Variants in CYP19A1 observed in about 807,000 individuals in gnomAD.
The protein encoded by CYP19A1 is cytochrome P450 family 19 subfamily A member 1.
In CYP19A1, 32 loss-of-function variants were observed where a neutral mutation model predicts 44.4. The observed-to-expected ratio is 0.72, with a 90% CI of 0.54 to 0.97. CYP19A1 has a LOEUF of 0.97. CYP19A1 is among the 50% of genes least tolerant of loss of function. CYP19A1 has a pLI of 0.00. For missense variants in CYP19A1, 598 were observed against 637.8 expected, an observed-to-expected ratio of 0.94 and a Z score of 0.67; for synonymous variants, 212 against 215.6, an observed-to-expected ratio of 0.98 and a Z score of 0.14.
intron 1 of CYP19A1, among the ~76,000 whole-genome samples, chr15:51,257,074 G>A (rs1185178891): frequency 6.6e-6 from 1 of 152,196 alleles, no homozygotes; most frequent in African/African-American, 2.4e-5. Context: ...AGTGGCAAGG[G>A]TGCTTTAGGC....
intron 1 of CYP19A1, among the ~76,000 whole-genome samples, chr15:51,333,034 C>T (rs1313929073): frequency 1.3e-5 from 2 of 152,180 alleles, no homozygotes; most frequent in Non-Finnish European, 2.9e-5. Context: ...ACTTTTCTTT[C>T]CTTCAGCTAC....
In CYP19A1 at chr15:51,325,248, T is replaced by C. The variant is rs146207514; in HGVS notation, c.-39+13247A>G. Among the ~76,000 whole-genome samples, 368 of 152,206 alleles carry C rather than the reference T, an allele frequency of 2.4e-3. 3 individuals are homozygous for C. The highest frequency in any genetic ancestry group is 8.2e-3 in the African/African-American group (339 of 41,536). The stretch of plus-strand genomic sequence containing the variant: ...AAGTTGCTACAGGGTGAAGCCCTTA[T>C]AGTGGATCTGAATGGCAAGCTGAAG... On this transcript the variant is annotated intron_variant, in intron 1 of 9. Coordinates refer to ENST00000396402, the MANE Select transcript of CYP19A1 (RefSeq NM_000103.4).
intron 1 of CYP19A1, among the ~76,000 whole-genome samples, chr15:51,263,343 C>T (rs1712347128): frequency 6.6e-6 from 1 of 152,148 alleles, no homozygotes; most frequent in South Asian, 2.1e-4. Flanking sequence ...AGAGCAGTTT[C>T]TGCAATGTGG....
rs1469993338 is a variant in CYP19A1, at chr15:51,210,227, T to C, written c.*581A>G. ...ACTTTTGCCACAGACAGATCATATG[T>C]AGACAAACAGGAATTAATTGGGCTT... is the stretch of plus-strand genomic sequence containing the variant. On this transcript the variant is annotated 3_prime_UTR_variant, in exon 10 of 10. Coordinates refer to ENST00000396402, the MANE Select transcript of CYP19A1 (RefSeq NM_000103.4). 4.9e-6 allele frequency: 2 copies of C among 405,236 alleles called. No homozygotes were observed. Among genetic ancestry groups the C allele is most frequent in the African/African-American group, 2.1e-5 (1 of 48,456 alleles). 25.1% of individuals were successfully genotyped at this position (405,236 alleles called of 1,614,324 possible).
chr15:51,264,503 AACG>A (rs5812546), intron 1 of CYP19A1, among the ~76,000 whole-genome samples: 31,496 of 151,996 alleles, frequency 0.21, 4,176 homozygotes, highest in African/African-American at 0.38. Context: ...AGGAAAGAGT[AACG>A]ACGGTCAAGG....
At chr15:51,294,522 G>A (rs1235958869) in intron 1 of CYP19A1, among the ~76,000 whole-genome samples, 7 of 146,868 alleles carry the variant, frequency 4.8e-5, no homozygotes, top group Admixed American at 1.3e-4. Flanking sequence ...CCCGGCAGCC[G>A]CCCCATCTGG....
At chr15:51,301,086 A>G (rs1182796982) in intron 1 of CYP19A1, among the ~76,000 whole-genome samples, 1 of 152,216 alleles carries the variant, frequency 6.6e-6, no homozygotes, top group Non-Finnish European at 1.5e-5. Flanking sequence ...CACATTAAGC[A>G]TTAAAGAGGT....
At chr15:51,286,269 G>T (rs912215068) in intron 1 of CYP19A1, among the ~76,000 whole-genome samples, 1 of 152,220 alleles carries the variant, frequency 6.6e-6, no homozygotes, top group Middle Eastern at 3.4e-3. Context: ...CAGAGTTCTG[G>T]TCAACACCTC....
At chr15:51,276,311 C>T (rs1185574579) in intron 1 of CYP19A1, among the ~76,000 whole-genome samples, 2 of 152,202 alleles carry the variant, frequency 1.3e-5, no homozygotes, top group African/African-American at 2.4e-5. Context: ...TACAGGCCCA[C>T]TGACCCCCTT....
intron 1 of CYP19A1, among the ~76,000 whole-genome samples, chr15:51,311,365 G>GA (rs2036306734): frequency 6.6e-6 from 1 of 152,172 alleles, no homozygotes; most frequent in Non-Finnish European, 1.5e-5. Context: ...ATAGCAGAAT[G>GA]CAAATGACAG....
At chr15:51,213,914 A>AAAACAT (rs1424907848) in intron 8 of CYP19A1, among the ~76,000 whole-genome samples, 1 of 152,112 alleles carries the variant, frequency 6.6e-6, no homozygotes, top group African/African-American at 2.4e-5. Flanking sequence ...ACCTGCTAGG[A>AAAACAT]GGCACTCAAG....
At chr15:51,237,049 A>C in intron 2 of CYP19A1, 40 bp from the exon 3 acceptor site, 1 of 1,612,968 alleles carries the variant, frequency 6.2e-7, no homozygotes, top group Non-Finnish European at 8.5e-7. Context: ...TCTTAGTTAC[A>C]CCAAAAATTG....
At chr15:51,249,096 C>A (rs12901286) in intron 1 of CYP19A1, among the ~76,000 whole-genome samples, 1 of 151,966 alleles carries the variant, frequency 6.6e-6, no homozygotes, top group Non-Finnish European at 1.5e-5. Context: ...CCCACTACCA[C>A]GCCCGTCCAA....
At chr15:51,271,760 G>A (rs2035135039) in intron 1 of CYP19A1, among the ~76,000 whole-genome samples, 1 of 152,188 alleles carries the variant, frequency 6.6e-6, no homozygotes, top group Admixed American at 6.5e-5. Context: ...TGATTGATTA[G>A]TCCAAGGATT....
intron 1 of CYP19A1, among the ~76,000 whole-genome samples, chr15:51,329,298 A>G (rs914066034): frequency 1.3e-5 from 2 of 152,056 alleles, no homozygotes; most frequent in Non-Finnish European, 2.9e-5. Flanking sequence ...TGCTTCACAC[A>G]TAGGGCCCCA....
At chr15:51,223,108 C>CAATG (rs1465820647) in intron 4 of CYP19A1, among the ~76,000 whole-genome samples, 2 of 152,170 alleles carry the variant, frequency 1.3e-5, no homozygotes, top group African/African-American at 2.4e-5. Flanking sequence ...TTTACTCAGC[C>CAATG]AATGGCATGA....
chr15:51,263,983 C>T (rs183750887), intron 1 of CYP19A1, among the ~76,000 whole-genome samples: 4 of 152,138 alleles, frequency 2.6e-5, no homozygotes, highest in African/African-American at 9.7e-5. Context: ...CTGGGAACAA[C>T]TGAGAGGTCA....
rs755331566 is a variant in CYP19A1 at position 51,212,517 on chromosome 15, T to C, written c.1066A>G (p.Met356Val). 2.4e-5 allele frequency: 37 copies of C among 1,546,690 alleles called. No individual in the cohort carries two copies. The South Asian group carries it at 3.9e-4, about 16-fold the overall frequency. The change falls in exon 9 of 10, where the codon ATG (methionine) becomes GTG (valine). Residue 356 changes from methionine to valine, a missense_variant. Physicochemically the swap from Met to Val is conservative, Grantham distance 21. Coordinates refer to ENST00000396402, the MANE Select transcript of CYP19A1 (RefSeq NM_000103.4). ...KIDDIQKLKV[M>V]ENFIYESMRY... is the part of the protein sequence containing the mutation. The stretch of plus-strand genomic sequence containing the variant: ...ATGCTCTCATAAATGAAGTTTTCCA[T>C]CACTTTTAATTTTTGTATATCATCA...
chr15:51,307,337 G>C (rs2036233649), intron 1 of CYP19A1, among the ~76,000 whole-genome samples: 1 of 152,176 alleles, frequency 6.6e-6, no homozygotes, highest in Non-Finnish European at 1.5e-5. Context: ...AAAATCTATT[G>C]ATGTCACAAG....
Sources: allele counts gnomAD v4.1 joint callset (sites outside exome capture counted in the v4.1 genomes callset), GRCh38; gene constraint gnomAD v4.1.1; transcripts MANE v1.5; gene names NCBI Gene and HGNC (gene_info 2026-07-23, HGNC 2026-07-21).